Variants in ZNF713 observed in about 807,000 individuals in gnomAD.
ZNF713 encodes zinc finger protein 713.
ZNF713 carries 21 observed loss-of-function variants against 28.7 expected under a neutral mutation model. That is an observed-to-expected ratio of 0.73 (90% CI 0.52 to 1.05). The LOEUF (loss-of-function observed/expected upper bound fraction) is 1.05, where lower values mean the gene tolerates loss of function less well. Ranked by LOEUF, ZNF713 falls within the 50% of genes least tolerant of loss-of-function variation. ZNF713 has a pLI of 0.00. For synonymous variants in ZNF713, 167 were observed against 178.0 expected (o/e 0.94, Z 0.49); for missense variants, 458 against 532.4 (o/e 0.86, Z 1.37).
rs1785706922 is a variant in ZNF713, at chr7:55,907,715, A to T, written c.-456+1336A>T. 2.6e-5 allele frequency among the ~76,000 whole-genome samples: 4 copies of T among 152,026 alleles called. No homozygotes were observed. In the South Asian group the frequency reaches 8.3e-4, roughly 32 times the overall value. ...TACAAGTGGGAATGTGAAGTCTTTG[A>T]TTTTCAGTTTCTGAGTTATTTCACT... On this transcript the variant is annotated intron_variant, in intron 2 of 6. Transcript: ENST00000429591.
intron 1 of ZNF713, 101 bp downstream of exon 1, chr7:55,887,781 CGGAGGCGGGGGGCGGAGGCGGGG>C: frequency 1.5e-3 from 1 of 686 alleles, no homozygotes; most frequent in Non-Finnish European, 3.0e-3. Context: ...AGGCGGGGGG[CGGAGGCGGGGGGCGGAGGCGGGG>C]GGCGGCGGGC....
chr7:55,887,818 G>GGC (rs1562731517), intron 1 of ZNF713, 138 bp downstream of exon 1: 5 of 6,160 alleles, frequency 8.1e-4, no homozygotes, highest in East Asian at 4.5e-3. Context: ...GGCGGGCGGC[G>GGC]GGCGGCGGGC....
chr7:55,898,000 T>C (rs1452785340), intron 1 of ZNF713, among the ~76,000 whole-genome samples: 1 of 152,182 alleles, frequency 6.6e-6, no homozygotes, highest in East Asian at 1.9e-4. Context: ...ACCTACCATG[T>C]AATTAGAGGG....
intron 1 of ZNF713, among the ~76,000 whole-genome samples, chr7:55,898,240 T>C (rs1279537547): frequency 2.0e-5 from 3 of 152,124 alleles, no homozygotes; most frequent in Non-Finnish European, 4.4e-5. Flanking sequence ...GTTGCGTCAA[T>C]CTAAAAAGCT....
chr7:55,914,271 C>T (rs937765594), intron 4 of ZNF713, among the ~76,000 whole-genome samples: 1 of 152,176 alleles, frequency 6.6e-6, no homozygotes, highest in Non-Finnish European at 1.5e-5. Context: ...GTCTCAATTG[C>T]TTCAGATAGG....
intron 6 of ZNF713, among the ~76,000 whole-genome samples, chr7:55,936,588 C>T (rs1008341927): frequency 1.4e-4 from 21 of 152,238 alleles, no homozygotes; most frequent in Non-Finnish European, 2.6e-4. Context: ...ATGTGGACCT[C>T]ATGTCTAAGA....
intron 2 of ZNF713, among the ~76,000 whole-genome samples, chr7:55,907,522 G>T (rs1007715130): frequency 6.6e-6 from 1 of 152,106 alleles, no homozygotes; most frequent in Non-Finnish European, 1.5e-5. Context: ...ATGTTGCGTA[G>T]CAATGTGGTC....
At chr7:55,926,628 C>A (rs756494629) in intron 6 of ZNF713, among the ~76,000 whole-genome samples, 8 of 152,088 alleles carry the variant, frequency 5.3e-5, no homozygotes, top group Non-Finnish European at 8.8e-5. Context: ...ATTTGCTGGT[C>A]CTTATTTATC....
intron 1 of ZNF713, among the ~76,000 whole-genome samples, chr7:55,890,124 GGATTAA>G (rs1242182662): frequency 6.6e-6 from 1 of 152,012 alleles, no homozygotes; most frequent in African/African-American, 2.4e-5. Flanking sequence ...TACTGCTATT[GGATTAA>G]GACCCCACCT....
At chr7:55,909,003 C>A (rs978726428) in intron 2 of ZNF713, among the ~76,000 whole-genome samples, 2 of 151,760 alleles carry the variant, frequency 1.3e-5, no homozygotes, top group Non-Finnish European at 2.9e-5. Context: ...CGAGACCATC[C>A]TGGCCAACAT....
chr7:55,889,429 A>T (rs1785338094), intron 1 of ZNF713, among the ~76,000 whole-genome samples: 1 of 152,158 alleles, frequency 6.6e-6, no homozygotes, highest in Admixed American at 6.5e-5. Flanking sequence ...TTAAATTGTG[A>T]GGCATTTAAA....
intron 3 of ZNF713, among the ~76,000 whole-genome samples, 155 bp from the exon 4 acceptor site, chr7:55,912,480 T>C (rs1394721): frequency 1 from 152,281 of 152,324 alleles, 76,119 homozygotes; most frequent in Middle Eastern, 1. Flanking sequence ...CCCGAACTCC[T>C]GAACATCATA....
chr7:55,930,258 T>C (rs1389030111), intron 6 of ZNF713, among the ~76,000 whole-genome samples: 1 of 152,170 alleles, frequency 6.6e-6, no homozygotes, highest in Non-Finnish European at 1.5e-5. Context: ...GCACAAATTA[T>C]ATTTTCTTGC....
chr7:55,896,974 TAAGAA>T (rs1382971697), intron 1 of ZNF713, among the ~76,000 whole-genome samples: 1 of 152,096 alleles, frequency 6.6e-6, no homozygotes, highest in Non-Finnish European at 1.5e-5. Context: ...ATAAAATAAA[TAAGAA>T]AAGTATTTGA....
chr7:55,899,438 G>A (rs761094219), intron 1 of ZNF713, among the ~76,000 whole-genome samples: 6 of 143,874 alleles, frequency 4.2e-5, no homozygotes, highest in South Asian at 4.7e-4. Context: ...GCCGAGGGGG[G>A]GGGGGGGGTT....
chr7:55,921,300 C>T (rs1785987713), intron 4 of ZNF713, among the ~76,000 whole-genome samples: 1 of 152,146 alleles, frequency 6.6e-6, no homozygotes, highest in East Asian at 1.9e-4. Context: ...CCCACTAACA[C>T]AACAACCATT....
chr7:55,899,723 C>G (rs1326134703), intron 1 of ZNF713, among the ~76,000 whole-genome samples: 1 of 151,980 alleles, frequency 6.6e-6, no homozygotes, highest in African/African-American at 2.4e-5. Context: ...AGCAGTCCCA[C>G]TTCTGAGTAT....
At position 55,939,354 on chromosome 7, in the gene ZNF713, G is replaced by C. The variant is rs1332695027; in HGVS notation, c.680G>C (p.Gly227Ala). ...AATTCAGACTTGATTTACTATCAGG[G>C]AAATTATGTAAGAGAGACTCCCTAT... is the stretch of plus-strand genomic sequence containing the variant. ...KHNSDLIYYQ[G>A]NYVRETPYEY... Residue 227 changes from glycine (G) to alanine (A), a missense_variant, in exon 7 of 7, where the codon GGA (glycine) becomes GCA (alanine). Coordinates refer to ENST00000429591, the MANE Select transcript of ZNF713 (RefSeq NM_182633.3). 2 of 1,614,004 alleles carry C rather than the reference G, an allele frequency of 1.2e-6. No homozygotes were observed. The highest frequency in any genetic ancestry group is 4.5e-5 in the East Asian group (2 of 44,880).
chr7:55,889,523 AATAG>A (rs1365743558), intron 1 of ZNF713, among the ~76,000 whole-genome samples: 8 of 152,254 alleles, frequency 5.3e-5, no homozygotes, highest in Non-Finnish European at 1.2e-4. Flanking sequence ...GTACGTTCTA[AATAG>A]ATAGTTATTC....
Sources: gnomAD v4.1 joint callset for allele counts (sites outside exome capture counted in the v4.1 genomes callset) on GRCh38, gnomAD v4.1.1 for gene constraint, MANE v1.5 for transcripts, NCBI Gene and HGNC (gene_info 2026-07-23, HGNC 2026-07-21) for gene names.